The following IPCEF1 variants were observed in gnomAD, a reference collection of about 807,000 sequenced individuals.
The protein encoded by IPCEF1 is interaction protein for cytohesin exchange factors 1, also known as interactor protein for cytohesin exchange factors 1.
Under a neutral mutation model 50.9 loss-of-function variants are expected in IPCEF1, and 31 were observed. That is an observed-to-expected ratio of 0.61 (90% confidence interval 0.46 to 0.82). IPCEF1 has a LOEUF of 0.82. Ranked by LOEUF, IPCEF1 falls within the 40% of genes least tolerant of loss-of-function variation. The pLI is 0.00. For synonymous variants in IPCEF1, 181 were observed against 192.0 expected (o/e 0.94, Z 0.47); for missense variants, 458 against 514.0 (o/e 0.89, Z 1.05).
At chr6:154,195,304 C>T (rs1379886307) in intron 10 of IPCEF1, among the ~76,000 whole-genome samples, 2 of 151,948 alleles carry the variant, frequency 1.3e-5, no homozygotes, top group Non-Finnish European at 2.9e-5. Context: ...CCCGCCACCA[C>T]ACCTGGCTAA....
At position 154,155,205 on chromosome 6, in the gene IPCEF1, G is replaced by C. The variant is rs1049441423; in HGVS notation, c.*4623C>G. On this transcript the variant is annotated 3_prime_UTR_variant, in exon 12 of 12. Transcript: ENST00000367220. ...AGACGAGTGGCTTTCTGTGAGGAGA[G>C]AAATTATCCCCCTTCCACAGTCCAT... The C allele has an allele frequency of 2.0e-5, 3 of 152,136 alleles. No individual in the cohort carries two copies. The highest frequency in any genetic ancestry group is 2.9e-5 in the Non-Finnish European group (2 of 68,040). 9.4% of individuals were successfully genotyped at this position (152,136 alleles called of 1,614,324 possible).
Position 154,157,759 on chromosome 6 carries a change from G to T in IPCEF1, c.*2069C>A, listed in dbSNP as rs930066012. 1 of 152,190 alleles carries T rather than the reference G, an allele frequency of 6.6e-6. No individual in the cohort carries two copies. The highest frequency in any genetic ancestry group is 2.4e-5 in the African/African-American group (1 of 41,440). The allele number at this position is 152,190 out of a possible 1,614,324, so 9.4% of individuals were successfully genotyped here. The stretch of plus-strand genomic sequence containing the variant: ...GTTATTTCTGCTATTGTTATTTGTT[G>T]TTCCTTCAATACTCTTTACATTGCC... On this transcript the variant is annotated 3_prime_UTR_variant, in exon 12 of 12. Transcript: ENST00000367220.
intron 3 of IPCEF1, among the ~76,000 whole-genome samples, chr6:154,259,976 C>T (rs1781555153): frequency 6.6e-6 from 1 of 152,320 alleles, no homozygotes; most frequent in Middle Eastern, 3.4e-3. Flanking sequence ...ATAAACTCCT[C>T]ACTTCCACTC....
chr6:154,304,727 C>T (rs1443191845), intron 1 of IPCEF1, among the ~76,000 whole-genome samples: 1 of 152,110 alleles, frequency 6.6e-6, no homozygotes, highest in African/African-American at 2.4e-5. Flanking sequence ...ATGCTCAGTT[C>T]ATACCTGGGA....
At chr6:154,256,348 A>G (rs557123332) in intron 3 of IPCEF1, among the ~76,000 whole-genome samples, 1 of 152,298 alleles carries the variant, frequency 6.6e-6, no homozygotes, top group East Asian at 1.9e-4. Context: ...TCCGCCTCCT[A>G]AAATCATTAC....
intron 2 of IPCEF1, among the ~76,000 whole-genome samples, chr6:154,281,165 C>A (rs1482314918): frequency 6.9e-6 from 1 of 145,310 alleles, no homozygotes; most frequent in Non-Finnish European, 1.5e-5. Context: ...GATGGTGAAA[C>A]CCCGTTCCTA....
chr6:154,336,871 T>C (rs1362868710), intron 1 of IPCEF1, among the ~76,000 whole-genome samples: 1 of 152,204 alleles, frequency 6.6e-6, no homozygotes, highest in Non-Finnish European at 1.5e-5. Context: ...CCCAAAGTGC[T>C]GAGACTACAG....
chr6:154,331,365 A>AG (rs1294366039), intron 1 of IPCEF1, among the ~76,000 whole-genome samples: 1,435 of 130,590 alleles, frequency 0.011, 25 homozygotes, highest in African/African-American at 0.037. Flanking sequence ...AGAGAAAGAA[A>AG]GAAAGGAAAG....
chr6:154,260,970 G>A (rs1406273331), intron 3 of IPCEF1, among the ~76,000 whole-genome samples: 1 of 152,158 alleles, frequency 6.6e-6, no homozygotes, highest in Non-Finnish European at 1.5e-5. Context: ...AGAGAAGTCT[G>A]GGGATAGTGC....
chr6:154,256,814 A>G (rs1463629617), intron 3 of IPCEF1, among the ~76,000 whole-genome samples: 3 of 152,240 alleles, frequency 2.0e-5, no homozygotes, highest in Non-Finnish European at 4.4e-5. Context: ...GTATGCATTC[A>G]GTAGAAGTTG....
intron 7 of IPCEF1, among the ~76,000 whole-genome samples, chr6:154,220,952 C>T (rs1469534653): frequency 6.6e-6 from 1 of 152,204 alleles, no homozygotes; most frequent in African/African-American, 2.4e-5. Context: ...TTACATAATA[C>T]TTTCAAGCCT....
chr6:154,248,628 CAT>C (rs1479938949), intron 3 of IPCEF1, among the ~76,000 whole-genome samples: 1 of 152,022 alleles, frequency 6.6e-6, no homozygotes, highest in Admixed American at 6.6e-5. Context: ...AGGGATATGA[CAT>C]AGTGAAAAGA....
chr6:154,179,987 A>C (rs149885986), intron 10 of IPCEF1, among the ~76,000 whole-genome samples: 1 of 152,310 alleles, frequency 6.6e-6, no homozygotes, highest in East Asian at 1.9e-4. Context: ...TTTGAGTAGC[A>C]AGGCCAGCCT....
In IPCEF1 at chr6:154,227,832, G is replaced by A. The variant is rs1438439240; in HGVS notation, c.247-4589C>T. On this transcript the variant is annotated intron_variant, in intron 5 of 11. Transcript: ENST00000367220. Reference sequence around the variant, plus strand: ...AAACAGCTGAGATTCCCTTAAACAGGAGCCTAAATAAGTTTGGGTGAAAAC... The same window carrying A: ...AAACAGCTGAGATTCCCTTAAACAGAAGCCTAAATAAGTTTGGGTGAAAAC... Among the ~76,000 whole-genome samples the A allele has an allele frequency of 3.3e-5, 5 of 152,206 alleles. No individual in the cohort carries two copies. In the East Asian group the frequency reaches 9.7e-4, roughly 29 times the overall value.
intron 2 of IPCEF1, among the ~76,000 whole-genome samples, chr6:154,275,224 C>G (rs6902614): frequency 0.97 from 147,061 of 152,298 alleles, 71,067 homozygotes; most frequent in East Asian, 1. Context: ...GGGATTGTGA[C>G]TGAAACTCCA....
intron 7 of IPCEF1, 89 bp from the exon 8 acceptor site, chr6:154,214,365 C>CATG (rs748926943): frequency 9.0e-6 from 8 of 893,556 alleles, no homozygotes; most frequent in Non-Finnish European, 1.5e-5. Flanking sequence ...GAAATTAGGT[C>CATG]ATGATTCTAC....
rs1052040049 is a variant in IPCEF1 at position 154,247,296 on chromosome 6, C to T, written c.76+153G>A. On this transcript the variant is annotated intron_variant, in intron 4 of 11. Coordinates refer to ENST00000367220, the MANE Select transcript of IPCEF1 (RefSeq NM_001130700.2). ...ACAACATGTCGTCATTTCTTAAAAT[C>T]GATTCAACAATAACCAAAAATTAAT... The T allele has an allele frequency of 4.1e-5, 25 of 609,596 alleles. No homozygotes were observed. The East Asian group carries it at 5.1e-4, about 12-fold the overall frequency. 37.8% of individuals were successfully genotyped at this position (609,596 alleles called of 1,614,324 possible).
At chr6:154,292,927 T>C (rs1043011152) in intron 1 of IPCEF1, among the ~76,000 whole-genome samples, 8 of 152,182 alleles carry the variant, frequency 5.3e-5, no homozygotes, top group Non-Finnish European at 1.0e-4. Context: ...GCTCTTTCTT[T>C]CTCCCCAGAA....
In IPCEF1 at chr6:154,296,032, C is replaced by A. The variant is rs1307850523; in HGVS notation, c.-61-6276G>T. 2.0e-5 allele frequency among the ~76,000 whole-genome samples: 3 copies of A among 152,264 alleles called. No homozygotes were observed. The East Asian group carries it at 5.8e-4, about 29-fold the overall frequency. ...CAAAATATTAGTCCCAAATTATTAG[C>A]TATATGAAGGAGCTGACAGCTACTA... is the stretch of plus-strand genomic sequence containing the variant. On this transcript the variant is annotated intron_variant, in intron 1 of 11. Transcript: ENST00000367220.
Sources: gnomAD v4.1 joint callset for allele counts (sites outside exome capture counted in the v4.1 genomes callset) on GRCh38, gnomAD v4.1.1 for gene constraint, MANE v1.5 for transcripts, NCBI Gene and HGNC (gene_info 2026-07-23, HGNC 2026-07-21) for gene names.